The following AK4 variants were observed in gnomAD, a reference collection of about 807,000 sequenced individuals.
The protein encoded by AK4 is adenylate kinase 4.
Under a neutral mutation model 24.6 loss-of-function variants are expected in AK4, and 13 were observed. The ratio of observed to expected loss-of-function variants is 0.53; its 90% CI spans 0.34 to 0.84. The LOEUF is 0.84. AK4 is among the 40% of genes least tolerant of loss of function. The pLI is 0.01. For missense variants in AK4, 192 were observed against 288.2 expected, an observed-to-expected ratio of 0.67 and a Z score of 2.42; for synonymous variants, 88 against 107.0, an observed-to-expected ratio of 0.82 and a Z score of 1.10.
At chr1:65,170,004 T>C (rs1436335168) in intron 1 of AK4, among the ~76,000 whole-genome samples, 1 of 152,148 alleles carries the variant, frequency 6.6e-6, no homozygotes. Context: ...TGAATTTTAG[T>C]GCCTCATGGA....
At chr1:65,194,542 A>C (rs1651410209) in intron 2 of AK4, among the ~76,000 whole-genome samples, 1 of 151,846 alleles carries the variant, frequency 6.6e-6, no homozygotes, top group Non-Finnish European at 1.5e-5. Context: ...GCTCACTGCA[A>C]CCTCCACCTC....
chr1:65,183,881 A>C (rs1650999761), intron 1 of AK4, among the ~76,000 whole-genome samples: 2 of 152,312 alleles, frequency 1.3e-5, no homozygotes, highest in South Asian at 4.1e-4. Flanking sequence ...GATCTATTTC[A>C]GTCTGTTGAT....
chr1:65,199,871 A>T (rs566347145), intron 2 of AK4, among the ~76,000 whole-genome samples: 4 of 152,300 alleles, frequency 2.6e-5, no homozygotes, highest in African/African-American at 9.6e-5. Flanking sequence ...TTGAGGATCA[A>T]GTTGGCACTC....
chr1:65,154,356 G>A, intron 1 of AK4: 1 of 353,294 alleles, frequency 2.8e-6, no homozygotes, highest in South Asian at 2.1e-5. Context: ...ACTAGAATGT[G>A]TCTAACCAAT....
rs999838843 is a variant in AK4 at position 65,216,628 on chromosome 1, CT to C, written c.266-2117del. ...GGTTGTTTGGGCTGTAGGTACCTTT[CT>C]TTTTTTTTCTTTTTTCTTTCTTTCT... On this transcript the variant is annotated intron_variant, in intron 2 of 4. Transcript: ENST00000327299. 8.1e-5 allele frequency among the ~76,000 whole-genome samples: 10 copies of C among 123,414 alleles called. 1 individual carries two copies. The highest frequency in any genetic ancestry group is 3.3e-4 in the African/African-American group (6 of 18,270). 81.0% of individuals were successfully genotyped at this position (123,414 alleles called of 152,430 possible).
At chr1:65,218,036 A>C (rs1570141735) in intron 2 of AK4, among the ~76,000 whole-genome samples, 1 of 152,178 alleles carries the variant, frequency 6.6e-6, no homozygotes, top group Non-Finnish European at 1.5e-5. Flanking sequence ...TGTGGCGAGA[A>C]TCCTGAAAAT....
chr1:65,211,597 C>CAAA (rs1651973981), intron 2 of AK4, among the ~76,000 whole-genome samples: 4 of 152,204 alleles, frequency 2.6e-5, no homozygotes, highest in Non-Finnish European at 5.9e-5. Flanking sequence ...CTTTTCCCAG[C>CAAA]ATTGGTTTTT....
chr1:65,224,607 C>G (rs1024399562), intron 3 of AK4, 145 bp from the exon 4 acceptor site: 1 of 649,246 alleles, frequency 1.5e-6, no homozygotes, highest in South Asian at 1.8e-5. Flanking sequence ...TTTTCTACTA[C>G]TCTTAAAATT....
intron 1 of AK4, among the ~76,000 whole-genome samples, chr1:65,156,351 CTCT>C (rs1649983958): frequency 6.6e-6 from 1 of 151,936 alleles, no homozygotes; most frequent in Non-Finnish European, 1.5e-5. Flanking sequence ...ATAGCAGTGC[CTCT>C]TTTTTTTAAT....
chr1:65,191,967 GAT>G (rs1373539759), intron 2 of AK4, among the ~76,000 whole-genome samples: 2 of 152,198 alleles, frequency 1.3e-5, no homozygotes, highest in African/African-American at 4.8e-5. Flanking sequence ...AGTTGTGGCT[GAT>G]GTTAGGTACT....
intron 3 of AK4, among the ~76,000 whole-genome samples, chr1:65,221,616 A>G (rs1035063754): frequency 6.6e-6 from 1 of 152,228 alleles, no homozygotes; most frequent in Non-Finnish European, 1.5e-5. Flanking sequence ...ATCTGTCTCA[A>G]GAAGCTATGA....
intron 1 of AK4, among the ~76,000 whole-genome samples, chr1:65,188,433 T>C (rs1651175581): frequency 6.6e-6 from 1 of 152,124 alleles, no homozygotes; most frequent in Non-Finnish European, 1.5e-5. Context: ...CAAATGATTC[T>C]TGAGCCTTTT....
At chr1:65,198,643 T>A (rs1033815529) in intron 2 of AK4, among the ~76,000 whole-genome samples, 1 of 152,194 alleles carries the variant, frequency 6.6e-6, no homozygotes, top group Non-Finnish European at 1.5e-5. Flanking sequence ...AGTGGCATTT[T>A]TGGTCAAAAT....
intron 3 of AK4, among the ~76,000 whole-genome samples, chr1:65,222,623 T>C (rs2101091494): frequency 1.3e-5 from 2 of 152,288 alleles, no homozygotes; most frequent in Middle Eastern, 6.8e-3. Context: ...ATAAAGAAGG[T>C]GGCAATAGAG....
At chr1:65,184,216 T>G (rs1359066226) in intron 1 of AK4, among the ~76,000 whole-genome samples, 1 of 152,254 alleles carries the variant, frequency 6.6e-6, no homozygotes, top group African/African-American at 2.4e-5. Flanking sequence ...TTGTAAGATA[T>G]GTAGAACATT....
chr1:65,200,780 A>G (rs1169386807), intron 2 of AK4, among the ~76,000 whole-genome samples: 2 of 150,656 alleles, frequency 1.3e-5, no homozygotes, highest in African/African-American at 4.9e-5. Flanking sequence ...CTCAGAATCC[A>G]GTGGTGTTTT....
At chr1:65,180,543 A>G (rs1650864715) in intron 1 of AK4, among the ~76,000 whole-genome samples, 1 of 152,220 alleles carries the variant, frequency 6.6e-6, no homozygotes, top group African/African-American at 2.4e-5. Flanking sequence ...CTGCCTCTAA[A>G]GGACTTTGAC....
chr1:65,182,078 A>G (rs1188154087), intron 1 of AK4, among the ~76,000 whole-genome samples: 1 of 152,008 alleles, frequency 6.6e-6, no homozygotes, highest in Non-Finnish European at 1.5e-5. Flanking sequence ...ACCACGCCTG[A>G]CTAATTTTAC....
chr1:65,217,095 G>T (rs565389463), intron 2 of AK4, among the ~76,000 whole-genome samples: 320 of 152,350 alleles, frequency 2.1e-3, no homozygotes, highest in Non-Finnish European at 4.0e-3. Flanking sequence ...ATTGAGAGGG[G>T]ACTTTATGTG....
Sources: gnomAD v4.1 joint callset for allele counts (sites outside exome capture counted in the v4.1 genomes callset) on GRCh38, gnomAD v4.1.1 for gene constraint, MANE v1.5 for transcripts, NCBI Gene and HGNC (gene_info 2026-07-23, HGNC 2026-07-21) for gene names.